The following KIAA1217 variants were observed in gnomAD, a reference collection of about 807,000 sequenced individuals.
The protein encoded by KIAA1217 is KIAA1217.
In KIAA1217, 88 loss-of-function variants were observed where a neutral mutation model predicts 163.9. That is an observed-to-expected ratio of 0.54 (90% CI 0.45 to 0.64). The LOEUF (loss-of-function observed/expected upper bound fraction) is 0.64. Ranked by LOEUF, KIAA1217 falls within the 30% of genes least tolerant of loss-of-function variation. The pLI is 0.00. For synonymous variants in KIAA1217, 903 were observed against 923.1 expected (o/e 0.98, Z 0.39); for missense variants, 2,372 against 2,475.0 (o/e 0.96, Z 0.88).
intron 1 of KIAA1217, among the ~76,000 whole-genome samples, chr10:23,889,824 T>C (rs547843369): frequency 1.3e-5 from 2 of 151,972 alleles, no homozygotes; most frequent in African/African-American, 4.8e-5. Context: ...TGTGCATTGA[T>C]TTTTTTGCAT....
intron 1 of KIAA1217, among the ~76,000 whole-genome samples, chr10:23,821,996 G>C (rs1422671371): frequency 6.6e-6 from 1 of 152,156 alleles, no homozygotes; most frequent in Non-Finnish European, 1.5e-5. Context: ...TTGTGTTCAG[G>C]CTACAGCTAC....
chr10:24,474,284 G>C (rs963157250), intron 6 of KIAA1217, among the ~76,000 whole-genome samples: 1 of 152,224 alleles, frequency 6.6e-6, no homozygotes, highest in Non-Finnish European at 1.5e-5. Context: ...CAAGAAGACA[G>C]GTGCAGCAAC....
chr10:23,706,896 A>G (rs962048717), intron 1 of KIAA1217, among the ~76,000 whole-genome samples: 5 of 152,152 alleles, frequency 3.3e-5, no homozygotes, highest in Non-Finnish European at 7.4e-5. Flanking sequence ...AACCCTAAAT[A>G]GATTCTATAG....
At chr10:23,951,253 A>G (rs946805122) in intron 1 of KIAA1217, among the ~76,000 whole-genome samples, 1 of 152,150 alleles carries the variant, frequency 6.6e-6, no homozygotes, top group African/African-American at 2.4e-5. Flanking sequence ...AATAAGAAGA[A>G]CAAGGCTGAA....
chr10:24,272,568 G>A (rs2076876811), intron 2 of KIAA1217, among the ~76,000 whole-genome samples: 1 of 152,190 alleles, frequency 6.6e-6, no homozygotes, highest in African/African-American at 2.4e-5. Flanking sequence ...CATTGTCAAA[G>A]CCACATTCTA....
chr10:23,720,024 G>C (rs573816772), intron 1 of KIAA1217, among the ~76,000 whole-genome samples: 28 of 152,104 alleles, frequency 1.8e-4, no homozygotes, highest in African/African-American at 5.3e-4. Flanking sequence ...TGGGGAGAAG[G>C]GGGGAGGGTG....
chr10:23,821,818 T>A (rs895934598), intron 1 of KIAA1217, among the ~76,000 whole-genome samples: 1 of 152,210 alleles, frequency 6.6e-6, no homozygotes, highest in Non-Finnish European at 1.5e-5. Flanking sequence ...CTCATGGTGT[T>A]CTGCAGTTCA....
At position 23,877,731 on chromosome 10, in the gene KIAA1217, T is replaced by C. The variant is rs1359552405; in HGVS notation, c.-320-129494T>C. ...CACTCTCAAAAGCTTTAACATTAGCTACCAATTGACACTTGAATATAAAAT... is the reference window on the plus strand; with the variant it reads ...CACTCTCAAAAGCTTTAACATTAGCCACCAATTGACACTTGAATATAAAAT... On this transcript the variant is annotated intron_variant, in intron 1 of 18. Coordinates refer to the KIAA1217 transcript ENST00000376462. 3.9e-5 allele frequency among the ~76,000 whole-genome samples: 6 copies of C among 152,006 alleles called. No homozygotes were observed. The East Asian group carries it at 9.7e-4, about 25-fold the overall frequency.
chr10:23,884,880 T>G (rs1385393859), intron 1 of KIAA1217, among the ~76,000 whole-genome samples: 1 of 151,898 alleles, frequency 6.6e-6, no homozygotes, highest in Non-Finnish European at 1.5e-5. Flanking sequence ...CAGTTGTCAA[T>G]AATCAGCCAT....
intron 1 of KIAA1217, among the ~76,000 whole-genome samples, chr10:23,887,553 G>C (rs1186602429): frequency 6.6e-6 from 1 of 151,612 alleles, no homozygotes; most frequent in African/African-American, 2.4e-5. Flanking sequence ...ACACACACCA[G>C]CCTTGAGATT....
intron 1 of KIAA1217, among the ~76,000 whole-genome samples, chr10:23,897,056 T>A: frequency 6.6e-6 from 1 of 152,048 alleles, no homozygotes; most frequent in Non-Finnish European, 1.5e-5. Context: ...AGTGATAAAT[T>A]TTTGGAAGGC....
intron 1 of KIAA1217, among the ~76,000 whole-genome samples, chr10:23,921,474 T>G (rs750616998): frequency 6.6e-6 from 1 of 152,210 alleles, no homozygotes; most frequent in Admixed American, 6.5e-5. Context: ...TGGTGTTGCC[T>G]ATCCTCTCTT....
At chr10:23,814,595 G>A (rs1837232015) in intron 1 of KIAA1217, among the ~76,000 whole-genome samples, 1 of 152,090 alleles carries the variant, frequency 6.6e-6, no homozygotes, top group Non-Finnish European at 1.5e-5. Context: ...AAATTTGCTT[G>A]GAAGAAACGT....
Position 24,433,057 on chromosome 10 carries a change from A to G in KIAA1217, c.616A>G (p.Ser206Gly), listed in dbSNP as rs1284038664. The G allele has an allele frequency of 3.1e-6, 5 of 1,614,154 alleles. No individual in the cohort carries two copies. Among genetic ancestry groups the G allele is most frequent in the Admixed American group, 3.3e-5 (2 of 60,024 alleles). The change falls in exon 4 of 21, where the codon AGT (serine) becomes GGT (glycine). Residue 206 changes from serine to glycine, a missense_variant. Ser to Gly is a moderately conservative substitution (Grantham distance 56). This residue lies in a region of KIAA1217 where 1,431 missense variants were observed against 1,470.3 expected (regional missense o/e 0.97). Coordinates refer to ENST00000376454, the MANE Select transcript of KIAA1217 (RefSeq NM_019590.5). ...GCTCAGGATGCCGAATGAAATCACA[A>G]GTGCAGACACAATCCGTGCTCTCTT... ...KQLRMPNEIT[S>G]ADTIRALFVS...
intron 1 of KIAA1217, among the ~76,000 whole-genome samples, chr10:23,999,506 T>G (rs1237710556): frequency 6.6e-6 from 1 of 152,060 alleles, no homozygotes; most frequent in African/African-American, 2.4e-5. Context: ...CCCTCAGGGT[T>G]TAGAGTAGAG....
At chr10:23,947,908 G>C (rs538261380) in intron 1 of KIAA1217, among the ~76,000 whole-genome samples, 2 of 152,330 alleles carry the variant, frequency 1.3e-5, no homozygotes, top group South Asian at 4.1e-4. Flanking sequence ...CCCTGACTGA[G>C]AAGAGGTTCT....
chr10:24,359,004 G>T (rs186320167), intron 2 of KIAA1217, among the ~76,000 whole-genome samples: 1 of 151,060 alleles, frequency 6.6e-6, no homozygotes, highest in Non-Finnish European at 1.5e-5. Flanking sequence ...GATCACAGTC[G>T]TCCTATAGTT....
intron 1 of KIAA1217, among the ~76,000 whole-genome samples, chr10:23,902,325 C>T (rs1341201263): frequency 6.6e-6 from 1 of 152,020 alleles, no homozygotes; most frequent in African/African-American, 2.4e-5. Flanking sequence ...GTGATAAGAA[C>T]ACGTGGGCAC....
chr10:24,323,018 G>A (rs528154680), intron 2 of KIAA1217, among the ~76,000 whole-genome samples: 8 of 152,064 alleles, frequency 5.3e-5, no homozygotes, highest in Non-Finnish European at 1.0e-4. Context: ...TGCCACACTC[G>A]TAGCTCACTA....
Sources: gnomAD v4.1 joint callset for allele counts (sites outside exome capture counted in the v4.1 genomes callset) on GRCh38, gnomAD v4.1.1 for gene constraint, gnomAD v4.1.1 regional missense constraint, MANE v1.5 for transcripts, NCBI Gene and HGNC (gene_info 2026-07-23, HGNC 2026-07-21) for gene names.